Variants in BARD1 observed in about 807,000 individuals in gnomAD.
BARD1 encodes the protein BRCA1 associated RING domain 1.
A neutral mutation model predicts 77.0 loss-of-function variants in BARD1; 73 were observed. The observed-to-expected ratio is 0.95, with a 90% CI of 0.79 to 1.15. The LOEUF (loss-of-function observed/expected upper bound fraction) is 1.15. Ranked by LOEUF, BARD1 falls within the 50% of genes most tolerant of loss-of-function variation. The pLI, the probability that BARD1 is intolerant of heterozygous loss-of-function variation, is 0.00. For missense variants in BARD1, 993 were observed against 938.8 expected (o/e 1.06, Z -0.75); for synonymous variants, 384 against 338.0 (o/e 1.14, Z -1.49).
At chr2:214,764,759 T>C (rs989242920) in intron 6 of BARD1, among the ~76,000 whole-genome samples, 1 of 151,922 alleles carries the variant, frequency 6.6e-6, no homozygotes, top group Non-Finnish European at 1.5e-5. Context: ...GGAGAGTGAA[T>C]AAAGAAAAGT....
At chr2:214,802,155 C>T (rs574100527) in intron 1 of BARD1, among the ~76,000 whole-genome samples, 9 of 152,302 alleles carry the variant, frequency 5.9e-5, no homozygotes, top group African/African-American at 1.9e-4. Context: ...ATGTAATACA[C>T]ATTCAATAGA....
At chr2:214,789,367 A>G (rs1574834978) in intron 3 of BARD1, among the ~76,000 whole-genome samples, 1 of 150,816 alleles carries the variant, frequency 6.6e-6, no homozygotes, top group African/African-American at 2.4e-5. Context: ...CTATCACCCT[A>G]TCTCTTCTAA....
chr2:214,740,102 G>A (rs753422409), intron 9 of BARD1, among the ~76,000 whole-genome samples: 19 of 151,832 alleles, frequency 1.3e-4, no homozygotes, highest in Admixed American at 2.6e-4. Flanking sequence ...ACAGTCTAAC[G>A]TCCAAAAATT....
At chr2:214,734,055 A>G (rs755890826) in intron 9 of BARD1, among the ~76,000 whole-genome samples, 21 of 152,188 alleles carry the variant, frequency 1.4e-4, no homozygotes, top group Non-Finnish European at 2.5e-4. Flanking sequence ...AGATAATAAA[A>G]TATTCTTTTA....
At position 214,781,081 on chromosome 2, in the gene BARD1, A is replaced by T. The variant is rs751701338; in HGVS notation, c.793T>A (p.Ser265Thr). ...CCAAAACATTCAGATTCTGTCAAGG[A>T]GCCACTTGCTAGTAAGTCTATTTCA... The part of the protein sequence containing the change: ...NGEIDLLASG[S>T]LTESECFGSL... The change falls in exon 4 of 11, where the codon TCC (serine) becomes ACC (threonine). Residue 265 changes from serine (S) to threonine (T), a missense_variant. Transcript: ENST00000260947. The T allele has an allele frequency of 6.3e-7, 1 of 1,595,302 alleles. No homozygotes were observed. Among genetic ancestry groups the T allele is most frequent in the Non-Finnish European group, 8.5e-7 (1 of 1,172,728 alleles).
chr2:214,752,372 A>AT (rs1693494506), intron 7 of BARD1, 75 bp downstream of exon 7: 1 of 1,307,126 alleles, frequency 7.7e-7, no homozygotes, highest in Non-Finnish European at 1.1e-6. Context: ...TCAAATGGAA[A>AT]TTTTTCTATT....
At chr2:214,784,930 A>G (rs946228593) in intron 3 of BARD1, among the ~76,000 whole-genome samples, 1 of 151,974 alleles carries the variant, frequency 6.6e-6, no homozygotes, top group African/African-American at 2.4e-5. Flanking sequence ...AATGTACATG[A>G]CAGGTTGATG....
chr2:214,739,778 A>G (rs953012049), intron 9 of BARD1, among the ~76,000 whole-genome samples: 1 of 152,094 alleles, frequency 6.6e-6, no homozygotes, highest in East Asian at 1.9e-4. Flanking sequence ...CCATATAAAT[A>G]TCATTTAGCA....
intron 6 of BARD1, among the ~76,000 whole-genome samples, chr2:214,753,737 T>C (rs563300258): frequency 1.3e-5 from 2 of 152,260 alleles, no homozygotes; most frequent in South Asian, 4.1e-4. Flanking sequence ...ACTGTTTTGA[T>C]GGCAGAGTGG....
intron 7 of BARD1, 111 bp from the exon 8 acceptor site, chr2:214,745,965 A>G: frequency 8.0e-7 from 1 of 1,245,182 alleles, no homozygotes; most frequent in Non-Finnish European, 1.2e-6. Flanking sequence ...AGTTTACTCT[A>G]ATAATTTTCA....
intron 1 of BARD1, among the ~76,000 whole-genome samples, chr2:214,800,759 C>T (rs553542754): frequency 1.3e-5 from 2 of 152,066 alleles, no homozygotes; most frequent in South Asian, 2.1e-4. Flanking sequence ...AATTAAATGT[C>T]ATACTTTTTT....
intron 7 of BARD1, among the ~76,000 whole-genome samples, chr2:214,750,668 C>G (rs1446315876): frequency 6.6e-6 from 1 of 152,128 alleles, no homozygotes; most frequent in East Asian, 1.9e-4. Context: ...CCTCCAGCCC[C>G]AGGAGGGGCT....
At chr2:214,751,550 T>C (rs149552976) in intron 7 of BARD1, among the ~76,000 whole-genome samples, 1 of 152,236 alleles carries the variant, frequency 6.6e-6, no homozygotes. Context: ...TACAAATTTA[T>C]TACAATGTAC....
chr2:214,775,449 G>A (rs148071265), intron 4 of BARD1, among the ~76,000 whole-genome samples: 116 of 152,222 alleles, frequency 7.6e-4, no homozygotes, highest in African/African-American at 2.7e-3. Flanking sequence ...ACATGGCCAG[G>A]GTTTGTGGTG....
chr2:214,768,286 T>C (rs192058112), intron 5 of BARD1, among the ~76,000 whole-genome samples: 4 of 129,252 alleles, frequency 3.1e-5, no homozygotes, highest in Admixed American at 3.0e-4. Flanking sequence ...TGGCATTCTA[T>C]ACTTTTTAAG....
chr2:214,793,825 T>C (rs1695636619), intron 2 of BARD1, among the ~76,000 whole-genome samples: 1 of 152,186 alleles, frequency 6.6e-6, no homozygotes, highest in Non-Finnish European at 1.5e-5. Flanking sequence ...ATGACCCGTG[T>C]GTGATGTCAT....
chr2:214,732,953 T>A (rs1692420141), intron 9 of BARD1, among the ~76,000 whole-genome samples: 1 of 152,202 alleles, frequency 6.6e-6, no homozygotes, highest in Admixed American at 6.5e-5. Context: ...AAAATGTGTT[T>A]GAGTCCTCTT....
At chr2:214,772,310 A>AT (rs59665119) in intron 4 of BARD1, among the ~76,000 whole-genome samples, 5 of 151,826 alleles carry the variant, frequency 3.3e-5, no homozygotes, top group East Asian at 1.9e-4. Flanking sequence ...CAAGATACAA[A>AT]TTTTTTTTTC....
At chr2:214,752,785 T>G (rs1213872128) in intron 6 of BARD1, among the ~76,000 whole-genome samples, 1 of 152,178 alleles carries the variant, frequency 6.6e-6, no homozygotes, top group Non-Finnish European at 1.5e-5. Context: ...ATTATGAATT[T>G]TTCACAACTG....
Sources: allele counts gnomAD v4.1 joint callset (sites outside exome capture counted in the v4.1 genomes callset), GRCh38; gene constraint gnomAD v4.1.1; transcripts MANE v1.5; gene names NCBI Gene and HGNC (gene_info 2026-07-23, HGNC 2026-07-21).